AGXT: variants seen among roughly 807,000 people sequenced by gnomAD.
The protein encoded by AGXT is L-alanine: glyoxylate aminotransferase 1.
A neutral mutation model predicts 46.9 loss-of-function variants in AGXT; 41 were observed. That is an observed-to-expected ratio of 0.88 (90% CI 0.68 to 1.14). The LOEUF (loss-of-function observed/expected upper bound fraction) is 1.14. Ranked by LOEUF, AGXT falls within the 50% of genes most tolerant of loss-of-function variation. The pLI is 0.00. For missense variants in AGXT, 525 were observed against 522.7 expected (o/e 1.00, Z -0.04); for synonymous variants, 244 against 227.9 (o/e 1.07, Z -0.64).
intron 6 of AGXT, among the ~76,000 whole-genome samples, chr2:240,874,623 C>T (rs1225956553): frequency 6.6e-6 from 1 of 152,208 alleles, no homozygotes; most frequent in Non-Finnish European, 1.5e-5. Context: ...CGTGGGAGGT[C>T]TGAGATGCCA....
chr2:240,869,826 C>T (rs558484846), intron 2 of AGXT, among the ~76,000 whole-genome samples: 55 of 152,286 alleles, frequency 3.6e-4, no homozygotes, highest in African/African-American at 1.2e-3. Flanking sequence ...TATTCGCCTC[C>T]GGAGTACACT....
At position 240,869,627 on chromosome 2, in the gene AGXT, C is replaced by T. The variant is rs60158966; in HGVS notation, c.358+265C>T. The stretch of plus-strand genomic sequence containing the variant: ...AGCTGTTTCTGGAGCATGTGCAGGA[C>T]GGAACTACAGGGAAGCCTCTGGTCC... On this transcript the variant is annotated intron_variant, in intron 2 of 10. Coordinates refer to ENST00000307503, the MANE Select transcript of AGXT (RefSeq NM_000030.3). Among the ~76,000 whole-genome samples, 652 of 152,300 alleles carry T rather than the reference C, an allele frequency of 4.3e-3. 6 individuals carry two copies. The highest frequency in any genetic ancestry group is 0.015 in the African/African-American group (630 of 41,556).
Position 240,878,029 on chromosome 2 carries a change from G to A in AGXT, c.950G>A (p.Arg317Gln), listed in dbSNP as rs200317876. The A allele has an allele frequency of 9.9e-6, 16 of 1,611,956 alleles. No homozygotes were observed. Among genetic ancestry groups the A allele is most frequent in the East Asian group, 8.9e-5 (4 of 44,882 alleles). The change falls in exon 10 of 11, where the codon CGG becomes CAG. Residue 317 changes from arginine to glutamine, a missense_variant. Physicochemically the swap from Arg to Gln is conservative, Grantham distance 43 (BLOSUM62 1). Transcript: ENST00000307503. ...LQLFVKDPALRLPTVTTVAVP... is the reference protein window; with the variant it reads ...LQLFVKDPALQLPTVTTVAVP... ...GCCAGGCCCCTCCTGCAGGCGCTCC[G>A]GCTTCCCACAGTCACCACTGTGGCT...
intron 7 of AGXT, among the ~76,000 whole-genome samples, chr2:240,875,557 T>C (rs1455469684): frequency 6.6e-6 from 1 of 152,170 alleles, no homozygotes; most frequent in Non-Finnish European, 1.5e-5. Flanking sequence ...ACCTTGGCCA[T>C]AAACCCAAGG....
Position 240,877,131 on chromosome 2 carries a change from A to G in AGXT, c.847-406A>G, listed in dbSNP as rs547374823. ...AGCTGAGGCAGGAGCAGTGCTGCGG[A>G]GGATGCCAGGTCGGGGGAGCTGGCC... On this transcript the variant is annotated intron_variant, in intron 8 of 10. Transcript: ENST00000307503. 1.3e-5 allele frequency: 5 copies of G among 390,320 alleles called. 1 individual carries two copies. Among genetic ancestry groups the G allele is most frequent in the Middle Eastern group, 3.6e-4 (1 of 2,768 alleles). 24.2% of individuals were successfully genotyped at this position (390,320 alleles called of 1,614,324 possible).
rs1193779237 is a variant in AGXT, at chr2:240,879,581, C to G, written c.*760C>G. The G allele has an allele frequency of 6.5e-6, 1 of 152,684 alleles. No individual in the cohort carries two copies. The highest frequency in any genetic ancestry group is 6.5e-5 in the Admixed American group (1 of 15,304). 9.5% of individuals were successfully genotyped at this position (152,684 alleles called of 1,614,324 possible). ...CTGGAGTGCAGTGGCACGATCTCAG[C>G]TCACTACAACCTCCGCCTCCCGGGT... On this transcript the variant is annotated 3_prime_UTR_variant, in exon 11 of 11. Transcript: ENST00000307503.
chr2:240,871,104 C>T (rs944007286), intron 3 of AGXT: 1 of 600,250 alleles, frequency 1.7e-6, no homozygotes, highest in African/African-American at 1.9e-5. Flanking sequence ...AGCAACAGCC[C>T]TCACAGGCCA....
chr2:240,871,465 G>A lies in AGXT; in HGVS notation c.524+16G>A, dbSNP rs1485013615. Reference sequence around the variant, plus strand: ...TCTGCCACAGGTGAGCCTGGCCCCAGGGCGGTGGACTGGAGCACAGCTCAG... The same window carrying A: ...TCTGCCACAGGTGAGCCTGGCCCCAAGGCGGTGGACTGGAGCACAGCTCAG... On this transcript the variant is annotated intron_variant, in intron 4 of 10. Coordinates refer to ENST00000307503, the MANE Select transcript of AGXT (RefSeq NM_000030.3). 1 of 1,562,868 alleles carries A rather than the reference G, an allele frequency of 6.4e-7. No homozygotes were observed. The highest frequency in any genetic ancestry group is 1.9e-5 in the Admixed American group (1 of 52,796).
intron 6 of AGXT, 150 bp downstream of exon 6, chr2:240,874,212 A>T: frequency 1.3e-6 from 1 of 785,850 alleles, no homozygotes; most frequent in Non-Finnish European, 2.1e-6. Flanking sequence ...CTGGGAGGCC[A>T]AAGGCACTGC....
At chr2:240,872,757 C>T (rs1575709180) in intron 4 of AGXT, among the ~76,000 whole-genome samples, 1 of 152,128 alleles carries the variant, frequency 6.6e-6, no homozygotes. Flanking sequence ...TCCCCCAGCT[C>T]CCTCTGCTCC....
chr2:240,872,291 G>A (rs1341536461), intron 4 of AGXT, among the ~76,000 whole-genome samples: 26 of 133,696 alleles, frequency 1.9e-4, no homozygotes, highest in Admixed American at 8.1e-4. Context: ...TCGTGAACAT[G>A]CAGGAGGAGG....
At chr2:240,878,332 C>T (rs900596649) in intron 10 of AGXT, among the ~76,000 whole-genome samples, 182 bp downstream of exon 10, 2 of 152,244 alleles carry the variant, frequency 1.3e-5, no homozygotes, top group African/African-American at 4.8e-5. Context: ...CCCCTGCTCC[C>T]ACCCCAGCCC....
rs1195977554 is a variant in AGXT at position 240,880,058 on chromosome 2, A to G, written c.*1237A>G. ...ATAGTTGAGCATCTGGGTTATTTCT[A>G]TTTTGGGGCTGTTATGAATACGGAG... On this transcript the variant is annotated 3_prime_UTR_variant, in exon 11 of 11. Transcript: ENST00000307503. The G allele has an allele frequency of 6.6e-6, 1 of 152,048 alleles. No individual in the cohort carries two copies. The highest frequency in any genetic ancestry group is 6.5e-5 in the Admixed American group (1 of 15,272). 9.4% of individuals were successfully genotyped at this position (152,048 alleles called of 1,614,324 possible). A position where few individuals can be genotyped will look rare whatever the true frequency, so the allele number is the denominator to read the frequency against.
chr2:240,877,175 T>C (rs997955168), intron 8 of AGXT: 3 of 454,182 alleles, frequency 6.6e-6, no homozygotes, highest in South Asian at 3.5e-5. Context: ...AGAGGGGGCC[T>C]GGGAGCCAGC....
chr2:240,871,916 C>T (rs376467081), intron 4 of AGXT, among the ~76,000 whole-genome samples: 68 of 152,328 alleles, frequency 4.5e-4, no homozygotes, highest in African/African-American at 1.5e-3. Flanking sequence ...CCAGCAGTCC[C>T]GTCTGCAGGT....
intron 4 of AGXT, 52 bp downstream of exon 4, chr2:240,871,501 T>G (rs80015252): frequency 1.8e-5 from 27 of 1,485,848 alleles, no homozygotes; most frequent in Non-Finnish European, 2.5e-5. Flanking sequence ...AGCCAGGCTA[T>G]GGGGAGGGGT....
chr2:240,875,121 C>T lies in AGXT; in HGVS notation c.693C>T (p.Tyr231=), dbSNP rs1458285200. ...TCTTTCTCCCCAGAAAGAAGATGTA[C>T]TCCCGCAAGACGAAGCCCTTCTCCT... ...SFSDKAKKKM[Y]SRKTKPFSFY... The change falls in exon 7 of 11, where the codon TAC becomes TAT. Residue 231 remains tyrosine (Y), a synonymous_variant. Transcript: ENST00000307503. 1 of 1,612,924 alleles carries T rather than the reference C, an allele frequency of 6.2e-7. No individual in the cohort carries two copies. Among genetic ancestry groups the T allele is most frequent in the Admixed American group, 1.7e-5 (1 of 60,020 alleles).
chr2:240,872,650 G>A (rs1394240193), intron 4 of AGXT, among the ~76,000 whole-genome samples: 3 of 152,016 alleles, frequency 2.0e-5, no homozygotes, highest in Non-Finnish European at 2.9e-5. Flanking sequence ...TCAGGCACCC[G>A]CTGTCCCTGG....
chr2:240,870,521 C>G, intron 2 of AGXT, 123 bp from the exon 3 acceptor site: 6 of 1,164,474 alleles, frequency 5.2e-6, no homozygotes, highest in South Asian at 1.4e-5. Context: ...GGCAGGCAGC[C>G]AGGGTGCCAC....
Sources: gnomAD v4.1 joint callset for allele counts (sites outside exome capture counted in the v4.1 genomes callset) on GRCh38, gnomAD v4.1.1 for gene constraint, MANE v1.5 for transcripts, NCBI Gene and HGNC (gene_info 2026-07-23, HGNC 2026-07-21) for gene names.